Variants in RYR2 observed in about 807,000 individuals in gnomAD.
RYR2 encodes ryanodine receptor 2, also known as cardiac muscle ryanodine receptor-calcium release channel.
In RYR2, 227 loss-of-function variants were observed where a neutral mutation model predicts 601.1. The observed-to-expected ratio is 0.38, with a 90% CI of 0.34 to 0.42. The LOEUF (loss-of-function observed/expected upper bound fraction) is 0.42. Among genes scored for constraint, RYR2 ranks in the 10% least tolerant of loss-of-function variants. The pLI is 1.00. For missense variants in RYR2, 4,646 were observed against 6,156.5 expected, an observed-to-expected ratio of 0.75 and a Z score of 8.21; for synonymous variants, 2,223 against 2,175.1, an observed-to-expected ratio of 1.02 and a Z score of -0.61.
chr1:237,568,648 G>A (rs1191966857), intron 28 of RYR2, among the ~76,000 whole-genome samples: 1 of 152,032 alleles, frequency 6.6e-6, no homozygotes, highest in Admixed American at 6.6e-5. Flanking sequence ...TAAAGTATCT[G>A]TGCCATCGGT....
chr1:237,628,717 T>C lies in RYR2; in HGVS notation c.6440+637T>C, dbSNP rs74147173. ...TGTTTTTTTTTAAGTCTCATAGTAATGTACAATAATATATAAAAACATAGG... is the reference window on the plus strand; with the variant it reads ...TGTTTTTTTTTAAGTCTCATAGTAACGTACAATAATATATAAAAACATAGG... On this transcript the variant is annotated intron_variant, in intron 41 of 104. Coordinates refer to ENST00000366574, the MANE Select transcript of RYR2 (RefSeq NM_001035.3). Among the ~76,000 whole-genome samples, 1,442 of 152,050 alleles carry C rather than the reference T, an allele frequency of 9.5e-3. 22 individuals carry two copies. The highest frequency in any genetic ancestry group is 0.033 in the African/African-American group (1,384 of 41,434).
chr1:237,215,448 C>T lies in RYR2; in HGVS notation c.49-55049C>T, dbSNP rs144725535. Among the ~76,000 whole-genome samples, 6 of 152,228 alleles carry T rather than the reference C, an allele frequency of 3.9e-5. No individual in the cohort carries two copies. The East Asian group carries it at 9.7e-4, about 24-fold the overall frequency. On this transcript the variant is annotated intron_variant, in intron 1 of 104. Coordinates refer to ENST00000366574, the MANE Select transcript of RYR2 (RefSeq NM_001035.3). ...TTACCTGTGCTGGAACTCCTGGAAT[C>T]ATATGAAGTATTTTAAAAAGCATAT...
intron 80 of RYR2, among the ~76,000 whole-genome samples, chr1:237,748,344 A>G (rs1194896842): frequency 6.6e-6 from 1 of 152,300 alleles, no homozygotes; most frequent in Non-Finnish European, 1.5e-5. Context: ...GGTTCCTTAC[A>G]TCTCCTGTCA....
chr1:237,107,372 T>C (rs10925314), intron 1 of RYR2, among the ~76,000 whole-genome samples: 78,623 of 150,202 alleles, frequency 0.52, 20,940 homozygotes, highest in Middle Eastern at 0.63. Context: ...ATACAAAAAA[T>C]TAGCTGGACG....
chr1:237,050,457 C>A (rs571371838), intron 1 of RYR2, among the ~76,000 whole-genome samples: 9 of 152,302 alleles, frequency 5.9e-5, no homozygotes, highest in South Asian at 2.1e-4. Context: ...CACAGGCCCA[C>A]ACATCTCATC....
intron 101 of RYR2, among the ~76,000 whole-genome samples, chr1:237,823,359 C>T (rs1458672723): frequency 6.6e-6 from 1 of 152,188 alleles, no homozygotes; most frequent in African/African-American, 2.4e-5. Context: ...CAAATTAGAA[C>T]TCAGGATTAA....
rs1198660085 is a variant in RYR2, at chr1:237,384,212, ATATGCT to A, written c.577-3064_577-3059del. 9.8e-5 allele frequency among the ~76,000 whole-genome samples: 15 copies of A among 152,342 alleles called. No individual in the cohort carries two copies. The South Asian group carries it at 2.3e-3, about 23-fold the overall frequency. On this transcript the variant is annotated intron_variant, in intron 8 of 104. Coordinates refer to ENST00000366574, the MANE Select transcript of RYR2 (RefSeq NM_001035.3). ...CCTTTTCCCACAGACTGAAATTTTC[ATATGCT>A]TATGGTTCTCTCATATTTATTATTT...
rs1010242961 is a variant in RYR2 at position 237,070,829 on chromosome 1, G to A, written c.48+28260G>A. On this transcript the variant is annotated intron_variant, in intron 1 of 104. Transcript: ENST00000366574. ...CTACTGCAAGTGGCTTCTGCTGTGG[G>A]CACCAGTATCTGGACAAGGAGAATG... Among the ~76,000 whole-genome samples the A allele has an allele frequency of 5.3e-5, 8 of 152,346 alleles. No homozygotes were observed. The South Asian group carries it at 1.2e-3, about 24-fold the overall frequency.
At position 237,490,057 on chromosome 1, in the gene RYR2, A is replaced by G. The variant is rs549772757; in HGVS notation, c.1709-1749A>G. Among the ~76,000 whole-genome samples the G allele has an allele frequency of 2.8e-4, 43 of 152,366 alleles. 1 individual carries two copies. The South Asian group carries it at 8.5e-3, about 30-fold the overall frequency. ...AACATGGATGCAACTGGAGGTTGTTATCCTAAGCAAATTAATGCAGGAACA... is the reference window on the plus strand; with the variant it reads ...AACATGGATGCAACTGGAGGTTGTTGTCCTAAGCAAATTAATGCAGGAACA... On this transcript the variant is annotated intron_variant, in intron 17 of 104. Coordinates refer to ENST00000366574, the MANE Select transcript of RYR2 (RefSeq NM_001035.3).
chr1:237,168,631 G>T (rs1439103945), intron 1 of RYR2, among the ~76,000 whole-genome samples: 1 of 152,002 alleles, frequency 6.6e-6, no homozygotes, highest in African/African-American at 2.4e-5. Context: ...TATAATTTTG[G>T]TGACAAAAGT....
rs565781688 is a variant in RYR2, at chr1:237,609,644, C to T, written c.4684-1118C>T. Among the ~76,000 whole-genome samples the T allele has an allele frequency of 7.2e-5, 11 of 152,094 alleles. No homozygotes were observed. In the South Asian group the frequency reaches 1.5e-3, roughly 20 times the overall value. The stretch of plus-strand genomic sequence containing the variant: ...CCTCCCAAAGTGCTGGGATTACAGG[C>T]GTGAGCCATGGTGCCTAGCCCAGTC... On this transcript the variant is annotated intron_variant, in intron 35 of 104. Coordinates refer to ENST00000366574, the MANE Select transcript of RYR2 (RefSeq NM_001035.3).
chr1:237,396,132 C>T (rs955334805), intron 10 of RYR2, among the ~76,000 whole-genome samples: 1 of 152,116 alleles, frequency 6.6e-6, no homozygotes, highest in Non-Finnish European at 1.5e-5. Context: ...TGTGAGGTCC[C>T]CCATTTATAT....
chr1:237,393,196 T>C (rs1463860743), intron 10 of RYR2, among the ~76,000 whole-genome samples: 2 of 152,166 alleles, frequency 1.3e-5, no homozygotes, highest in Non-Finnish European at 2.9e-5. Context: ...TCTTGGCATA[T>C]GCTTGCTGTG....
intron 1 of RYR2, among the ~76,000 whole-genome samples, chr1:237,111,692 C>G (rs752542833): frequency 6.6e-6 from 1 of 150,900 alleles, no homozygotes; most frequent in Non-Finnish European, 1.5e-5. Context: ...CAGTGGAAAT[C>G]TTTGCCATCT....
chr1:237,417,152 T>C, intron 11 of RYR2, 29 bp downstream of exon 11: 1 of 1,543,778 alleles, frequency 6.5e-7, no homozygotes, highest in South Asian at 1.1e-5. Flanking sequence ...CACAGCCTAA[T>C]GCACCAAGTG....
chr1:237,776,995 T>C (rs1694717626), intron 87 of RYR2, among the ~76,000 whole-genome samples: 1 of 152,174 alleles, frequency 6.6e-6, no homozygotes, highest in Non-Finnish European at 1.5e-5. Flanking sequence ...GAGTAGTCCA[T>C]ATAAGAAACA....
At chr1:237,567,651 A>G (rs1416351994) in intron 28 of RYR2, among the ~76,000 whole-genome samples, 1 of 152,064 alleles carries the variant, frequency 6.6e-6, no homozygotes, top group Non-Finnish European at 1.5e-5. Flanking sequence ...CAATAGGATA[A>G]TAATAGTCAC....
intron 10 of RYR2, among the ~76,000 whole-genome samples, chr1:237,390,136 G>A (rs536177644): frequency 4.6e-5 from 7 of 152,312 alleles, no homozygotes; most frequent in Admixed American, 6.5e-5. Flanking sequence ...TATGTTAAAT[G>A]CTATGGTGTG....
intron 46 of RYR2, 58 bp downstream of exon 46, chr1:237,639,259 T>C (rs530109): frequency 1 from 1,453,436 of 1,453,642 alleles, 726,616 homozygotes; most frequent in East Asian, 1. Flanking sequence ...TGAAATTTTA[T>C]AAAATATATT....
Sources: gnomAD v4.1 joint callset for allele counts (sites outside exome capture counted in the v4.1 genomes callset) on GRCh38, gnomAD v4.1.1 for gene constraint, MANE v1.5 for transcripts, NCBI Gene and HGNC (gene_info 2026-07-23, HGNC 2026-07-21) for gene names.